Variants in SRRM4 observed in about 807,000 individuals in gnomAD.
SRRM4 encodes serine/arginine repetitive matrix protein 4.
In SRRM4, 33 loss-of-function variants were observed where a neutral mutation model predicts 68.9. The observed-to-expected ratio is 0.48, with a 90% CI of 0.36 to 0.64. The LOEUF (loss-of-function observed/expected upper bound fraction) is 0.64. SRRM4 is among the 30% of genes least tolerant of loss of function. SRRM4 has a pLI of 0.00. For synonymous variants in SRRM4, 318 were observed against 318.8 expected (o/e 1.00, Z 0.03); for missense variants, 817 against 827.1 (o/e 0.99, Z 0.15).
rs555892330 is a variant in SRRM4, at chr12:119,005,065, A to G, written c.131+23052A>G. On this transcript the variant is annotated intron_variant, in intron 1 of 12. Coordinates refer to ENST00000267260, the MANE Select transcript of SRRM4 (RefSeq NM_194286.4). The stretch of plus-strand genomic sequence containing the variant: ...CCACAAAAACCTATTTGAAATAAAC[A>G]TAATAAAACTTTTACAACAGGCTCA... Among the ~76,000 whole-genome samples the G allele has an allele frequency of 1.6e-4, 24 of 152,386 alleles. No homozygotes were observed. In the South Asian group the frequency reaches 3.1e-3, roughly 20 times the overall value.
chr12:118,991,902 C>T (rs1427404686), intron 1 of SRRM4: 1 of 152,142 alleles, frequency 6.6e-6, no homozygotes, highest in African/African-American at 2.4e-5. Flanking sequence ...CAGAGATCTA[C>T]AGAGGTGTAG....
At chr12:119,147,465 G>A (rs1044116981) in intron 9 of SRRM4, among the ~76,000 whole-genome samples, 1 of 152,140 alleles carries the variant, frequency 6.6e-6, no homozygotes, top group African/African-American at 2.4e-5. Context: ...ATAGACTCTG[G>A]GTGATAATGA....
At chr12:119,114,560 A>G (rs570941583) in intron 3 of SRRM4, among the ~76,000 whole-genome samples, 196 bp downstream of exon 3, 1 of 151,522 alleles carries the variant, frequency 6.6e-6, no homozygotes, top group South Asian at 2.1e-4. Flanking sequence ...GATAATATCT[A>G]CCTTTTGAGA....
chr12:119,055,492 C>T (rs1372568156), intron 1 of SRRM4, among the ~76,000 whole-genome samples: 1 of 152,178 alleles, frequency 6.6e-6, no homozygotes, highest in East Asian at 1.9e-4. Flanking sequence ...TGTAGTCAGC[C>T]TCTATTGGAT....
At chr12:119,035,217 TC>T (rs2136008284) in intron 1 of SRRM4, among the ~76,000 whole-genome samples, 1 of 152,318 alleles carries the variant, frequency 6.6e-6, no homozygotes, top group East Asian at 1.9e-4. Context: ...CACAATTTTT[TC>T]CCCCTGAAAA....
chr12:119,106,065 G>T (rs1425354150), intron 2 of SRRM4, among the ~76,000 whole-genome samples: 1 of 152,166 alleles, frequency 6.6e-6, no homozygotes, highest in African/African-American at 2.4e-5. Flanking sequence ...ATTAAATAGG[G>T]AATCCATTCC....
intron 1 of SRRM4, among the ~76,000 whole-genome samples, chr12:119,070,185 C>G (rs1315071569): frequency 6.7e-6 from 1 of 150,282 alleles, no homozygotes; most frequent in Admixed American, 6.7e-5. Context: ...TTTGCAGCCA[C>G]CTTCCTTCCA....
chr12:119,150,275 C>T lies in SRRM4; in HGVS notation c.1077-742C>T, dbSNP rs1366796428. On this transcript the variant is annotated intron_variant, in intron 9 of 12. Transcript: ENST00000267260. ...TCATTTGAGGTCAGGAGTTTGAGAC[C>T]AGTCTGGCCAACATAGTGAAACCCC... Among the ~76,000 whole-genome samples the T allele has an allele frequency of 2.6e-5, 4 of 152,086 alleles. No individual in the cohort carries two copies. In the East Asian group the frequency reaches 5.8e-4, roughly 22 times the overall value.
chr12:118,998,268 C>CAAAAAAAAAAAAAAA lies in SRRM4; in HGVS notation c.131+16272_131+16286dup, dbSNP rs35250419. Among the ~76,000 whole-genome samples, 33 of 36,582 alleles carry CAAAAAAAAAAAAAAA rather than the reference C, an allele frequency of 9.0e-4. 4 individuals are homozygous for CAAAAAAAAAAAAAAA. The highest frequency in any genetic ancestry group is 1.1e-3 in the Admixed American group (2 of 1,902). The allele number at this position is 36,582 out of a possible 152,430, so 24.0% of individuals were successfully genotyped here. A position where few individuals can be genotyped will look rare whatever the true frequency, so the allele number is the denominator to read the frequency against. On this transcript the variant is annotated intron_variant, in intron 1 of 12. Coordinates refer to ENST00000267260, the MANE Select transcript of SRRM4 (RefSeq NM_194286.4). Reference sequence around the variant, plus strand: ...AACTGAGTGGATAAGAGCAATATGGCAAAAAAAAAAAAAAAAAAAAAAAAA... The same window carrying CAAAAAAAAAAAAAAA: ...AACTGAGTGGATAAGAGCAATATGGCAAAAAAAAAAAAAAAAAAAAAAAAAAAAAAAAAAAAAAAA...
At chr12:119,007,181 C>A (rs967677853) in intron 1 of SRRM4, among the ~76,000 whole-genome samples, 1 of 152,208 alleles carries the variant, frequency 6.6e-6, no homozygotes, top group South Asian at 2.1e-4. Context: ...ATCCATTGCA[C>A]ATGGAGTGCA....
In SRRM4 at chr12:119,154,398, C is replaced by A. The variant is rs1163575578; in HGVS notation, c.1532+15C>A. 1 of 1,611,182 alleles carries A rather than the reference C, an allele frequency of 6.2e-7. No homozygotes were observed. Among genetic ancestry groups the A allele is most frequent in the South Asian group, 1.1e-5 (1 of 90,514 alleles). Reference sequence around the variant, plus strand: ...AGGATAACCAGGTGAGGCCAGGGGGCAAGGGGGACCCACCTTCATCCTCGT... The same window carrying A: ...AGGATAACCAGGTGAGGCCAGGGGGAAAGGGGGACCCACCTTCATCCTCGT... On this transcript the variant is annotated intron_variant, in intron 12 of 12. Transcript: ENST00000267260. The surrounding 1 kb of genome is among the most constrained non-coding windows in gnomAD (Gnocchi z 4.7).
Position 119,159,337 on chromosome 12 carries a change from TG to T in SRRM4, c.*2544del, listed in dbSNP as rs1032322741. On this transcript the variant is annotated 3_prime_UTR_variant, in exon 13 of 13. Coordinates refer to ENST00000267260, the MANE Select transcript of SRRM4 (RefSeq NM_194286.4). ...TGACACAGTGGAGTTGCAACTTAGGTGGGGGTTGGAGTCGAAAGTTGGCAAA... is the reference window on the plus strand; with the variant it reads ...TGACACAGTGGAGTTGCAACTTAGGTGGGGTTGGAGTCGAAAGTTGGCAAA... The T allele has an allele frequency of 2.0e-5, 3 of 152,188 alleles. No individual in the cohort carries two copies. The highest frequency in any genetic ancestry group is 4.4e-5 in the Non-Finnish European group (3 of 68,136). The allele number at this position is 152,188 out of a possible 1,614,324, so 9.4% of individuals were successfully genotyped here.
At chr12:119,116,313 T>A (rs772164245) in intron 3 of SRRM4, among the ~76,000 whole-genome samples, 10 of 152,176 alleles carry the variant, frequency 6.6e-5, no homozygotes, top group Admixed American at 1.3e-4. Context: ...TCAGAGTAGC[T>A]CTGTTGCTCA....
intron 7 of SRRM4, among the ~76,000 whole-genome samples, chr12:119,125,731 C>T (rs1327591889): frequency 6.6e-6 from 1 of 151,938 alleles, no homozygotes; most frequent in Non-Finnish European, 1.5e-5. Flanking sequence ...ACCAGCCTGG[C>T]CAATATGGTG....
intron 1 of SRRM4, among the ~76,000 whole-genome samples, chr12:119,050,047 T>C (rs1953732603): frequency 6.6e-6 from 1 of 152,200 alleles, no homozygotes; most frequent in African/African-American, 2.4e-5. Flanking sequence ...AATCTAATTA[T>C]TATTGTCATT....
At chr12:119,071,539 A>C (rs1947599994) in intron 1 of SRRM4, among the ~76,000 whole-genome samples, 1 of 152,230 alleles carries the variant, frequency 6.6e-6, no homozygotes, top group South Asian at 2.1e-4. Flanking sequence ...ATACGATAAA[A>C]TAAGTATACA....
intron 4 of SRRM4, among the ~76,000 whole-genome samples, chr12:119,119,990 A>G (rs1221923738): frequency 6.6e-6 from 1 of 151,922 alleles, no homozygotes; most frequent in Non-Finnish European, 1.5e-5. Flanking sequence ...CTAAGAGAGG[A>G]GGAGGATTAG....
At chr12:119,110,372 A>G (rs1195626057) in intron 2 of SRRM4, among the ~76,000 whole-genome samples, 1 of 152,232 alleles carries the variant, frequency 6.6e-6, no homozygotes, top group Admixed American at 6.5e-5. Flanking sequence ...GGGACATTTA[A>G]GTCTGCAGAA....
At chr12:119,081,456 A>G (rs562286395) in intron 1 of SRRM4, among the ~76,000 whole-genome samples, 1 of 152,354 alleles carries the variant, frequency 6.6e-6, no homozygotes, top group Admixed American at 6.5e-5. Context: ...CTGGTGCATC[A>G]GGGAACAGCA....
Sources: allele counts gnomAD v4.1 joint callset (sites outside exome capture counted in the v4.1 genomes callset), GRCh38; gene constraint gnomAD v4.1.1; non-coding constraint Gnocchi (gnomAD v3.1); transcripts MANE v1.5; gene names NCBI Gene and HGNC (gene_info 2026-07-23, HGNC 2026-07-21).